The following SPRED1 variants were observed in gnomAD, a reference collection of about 807,000 sequenced individuals.
SPRED1 encodes the protein sprouty related EVH1 domain containing 1, also known as sprouty-related, EVH1 domain-containing protein 1.
SPRED1 carries 18 observed loss-of-function variants against 52.3 expected under a neutral mutation model. The observed-to-expected ratio is 0.34, with a 90% CI of 0.24 to 0.51. The LOEUF (loss-of-function observed/expected upper bound fraction) is 0.51, where lower values mean the gene tolerates loss of function less well. Among genes scored for constraint, SPRED1 ranks in the 20% least tolerant of loss-of-function variants. The pLI is 0.97. For synonymous variants in SPRED1, 155 were observed against 179.7 expected, an observed-to-expected ratio of 0.86 and a Z score of 1.10; for missense variants, 485 against 551.0, an observed-to-expected ratio of 0.88 and a Z score of 1.20.
intron 1 of SPRED1, among the ~76,000 whole-genome samples, chr15:38,283,916 A>G (rs1894748866): frequency 6.6e-6 from 1 of 152,166 alleles, no homozygotes; most frequent in South Asian, 2.1e-4. Context: ...TAATGGTAAA[A>G]ATTAGGTATT....
intron 1 of SPRED1, among the ~76,000 whole-genome samples, chr15:38,278,635 A>G (rs117152543): frequency 1.3e-3 from 198 of 152,298 alleles, no homozygotes; most frequent in Middle Eastern, 3.4e-3. Flanking sequence ...ATTATATAAA[A>G]TGATATAGTA....
rs577433030 is a variant in SPRED1, at chr15:38,325,584, C to T, written c.423+775C>T. Among the ~76,000 whole-genome samples, 4 of 152,082 alleles carry T rather than the reference C, an allele frequency of 2.6e-5. No individual in the cohort carries two copies. In the South Asian group the frequency reaches 8.3e-4, roughly 32 times the overall value. On this transcript the variant is annotated intron_variant, in intron 4 of 6. Transcript: ENST00000299084. Reference sequence around the variant, plus strand: ...GCCGAATTCTATTTTCTTCAGAGGACCTCAATCTTTTTTCTTATGCCTTTC... The same window carrying T: ...GCCGAATTCTATTTTCTTCAGAGGATCTCAATCTTTTTTCTTATGCCTTTC...
At chr15:38,281,259 G>A (rs538099603) in intron 1 of SPRED1, among the ~76,000 whole-genome samples, 1 of 152,128 alleles carries the variant, frequency 6.6e-6, no homozygotes, top group South Asian at 2.1e-4. Context: ...TGTGAAATTG[G>A]GAGCTTCCTA....
In SPRED1 at chr15:38,353,429, AAAG is replaced by A. The variant is rs546611820; in HGVS notation, c.*1771_*1773del. 60 of 152,676 alleles carry A rather than the reference AAAG, an allele frequency of 3.9e-4. No homozygotes were observed. The highest frequency in any genetic ancestry group is 1.4e-3 in the African/African-American group (57 of 41,578). 9.5% of individuals were successfully genotyped at this position (152,676 alleles called of 1,614,324 possible). A position where few individuals can be genotyped will look rare whatever the true frequency, so the allele number is the denominator to read the frequency against. On this transcript the variant is annotated 3_prime_UTR_variant, in exon 7 of 7. Transcript: ENST00000299084. ...ATCTTGAAGTATTATTTCACATTGA[AAAG>A]AAGAAAATATATTGATAACTATAGA...
At chr15:38,262,613 G>A (rs1033814598) in intron 1 of SPRED1, among the ~76,000 whole-genome samples, 1 of 152,198 alleles carries the variant, frequency 6.6e-6, no homozygotes, top group Non-Finnish European at 1.5e-5. Context: ...ACCAGATTGT[G>A]AGTAGTGTAG....
rs574366553 is a variant in SPRED1, at chr15:38,287,203, G to A, written c.33-12170G>A. ...GAGGTCAGAGTTTTAGAAGCACATT[G>A]GCTAGCACAGTTTTACCTCCAGAAG... is the stretch of plus-strand genomic sequence containing the variant. On this transcript the variant is annotated intron_variant, in intron 1 of 6. Transcript: ENST00000299084. 7.9e-5 allele frequency among the ~76,000 whole-genome samples: 12 copies of A among 152,134 alleles called. No homozygotes were observed. In the South Asian group the frequency reaches 2.5e-3, roughly 32 times the overall value.
Position 38,356,381 on chromosome 15 carries a change from T to C in SPRED1, c.*4717T>C, listed in dbSNP as rs562870172. The C allele has an allele frequency of 3.9e-5, 6 of 152,240 alleles. No homozygotes were observed. In the East Asian group the frequency reaches 1.2e-3, roughly 29 times the overall value. 9.4% of individuals were successfully genotyped at this position (152,240 alleles called of 1,614,324 possible). On this transcript the variant is annotated 3_prime_UTR_variant, in exon 7 of 7. Coordinates refer to ENST00000299084, the MANE Select transcript of SPRED1 (RefSeq NM_152594.3). ...TACCCGTGTAATTGGACATAGCAGA[T>C]GATTATCATAAGAATTTGTTTTAAT...
Position 38,341,823 on chromosome 15 carries a change from T to A in SPRED1, c.582+1928T>A, listed in dbSNP as rs1439556619. Among the ~76,000 whole-genome samples the A allele has an allele frequency of 2.6e-5, 4 of 152,106 alleles. No homozygotes were observed. In the East Asian group the frequency reaches 7.7e-4, roughly 29 times the overall value. ...AGAATGCACATTTTTAGTAGTTGGG[T>A]ATAGCAGCCTTTTTTGTTGAACTGA... On this transcript the variant is annotated intron_variant, in intron 5 of 6. Transcript: ENST00000299084.
chr15:38,288,423 T>C (rs1315450875), intron 1 of SPRED1, among the ~76,000 whole-genome samples: 1 of 152,082 alleles, frequency 6.6e-6, no homozygotes, highest in Non-Finnish European at 1.5e-5. Context: ...AGACAATAAA[T>C]AAATAAATAA....
rs970314232 is a variant in SPRED1 at position 38,350,908 on chromosome 15, T to C, written c.685-106T>C. The C allele has an allele frequency of 3.5e-6, 4 of 1,156,830 alleles. No individual in the cohort carries two copies. In the African/African-American group the frequency reaches 4.6e-5, roughly 13 times the overall value. 71.7% of individuals were successfully genotyped at this position (1,156,830 alleles called of 1,614,324 possible). ...ATCCCAAAAACATATCATAGAAATGTCCAGAATAATATTTCAACAAATATC... is the reference window on the plus strand; with the variant it reads ...ATCCCAAAAACATATCATAGAAATGCCCAGAATAATATTTCAACAAATATC... On this transcript the variant is annotated intron_variant, in intron 6 of 6. Coordinates refer to ENST00000299084, the MANE Select transcript of SPRED1 (RefSeq NM_152594.3).
chr15:38,275,027 C>A (rs1297982225), intron 1 of SPRED1, among the ~76,000 whole-genome samples: 3 of 152,154 alleles, frequency 2.0e-5, no homozygotes, highest in African/African-American at 7.2e-5. Context: ...TAATAAATAT[C>A]CTATTTTCTG....
intron 2 of SPRED1, among the ~76,000 whole-genome samples, 160 bp downstream of exon 2, chr15:38,299,707 T>TC (rs1355859803): frequency 6.6e-6 from 1 of 152,166 alleles, no homozygotes; most frequent in Non-Finnish European, 1.5e-5. Context: ...CATTTTTTTT[T>TC]CAAACTGAGA....
intron 4 of SPRED1, among the ~76,000 whole-genome samples, chr15:38,328,250 G>A (rs1463095293): frequency 6.6e-6 from 1 of 152,172 alleles, no homozygotes; most frequent in South Asian, 2.1e-4. Flanking sequence ...TAAAAGTAAT[G>A]ATAATGTTAT....
At position 38,339,872 on chromosome 15, in the gene SPRED1, T is replaced by C. The variant is rs1225030613; in HGVS notation, c.559T>C (p.Tyr187His). 1.9e-6 allele frequency: 3 copies of C among 1,613,932 alleles called. No individual in the cohort carries two copies. Among genetic ancestry groups the C allele is most frequent in the Non-Finnish European group, 8.5e-7 (1 of 1,179,914 alleles). ...TGAAGATCTGAATGCCAGAAGAGTCTACATGCAAAGCCAAGCCAATCAGGT... is the reference window on the plus strand; with the variant it reads ...TGAAGATCTGAATGCCAGAAGAGTCCACATGCAAAGCCAAGCCAATCAGGT... ...PFEDLNARRVYMQSQANQITF... is the reference protein window; with the variant it reads ...PFEDLNARRVHMQSQANQITF... Residue 187 changes from tyrosine to histidine, a missense_variant, in exon 5 of 7, where the codon TAC becomes CAC. By Grantham distance (83) the Tyr-to-His change is moderately conservative. Transcript: ENST00000299084.
chr15:38,324,458 G>A (rs565135628), intron 3 of SPRED1, among the ~76,000 whole-genome samples: 2 of 152,274 alleles, frequency 1.3e-5, no homozygotes, highest in South Asian at 4.1e-4. Context: ...ATTATAATCT[G>A]CCTAGTAATT....
At chr15:38,319,156 C>A (rs2140992500) in intron 2 of SPRED1, among the ~76,000 whole-genome samples, 1 of 152,170 alleles carries the variant, frequency 6.6e-6, no homozygotes, top group East Asian at 1.9e-4. Context: ...TTTAACAATT[C>A]CAATTTAGCA....
chr15:38,356,569 A>C lies in SPRED1; in HGVS notation c.*4905A>C, dbSNP rs1200540484. On this transcript the variant is annotated 3_prime_UTR_variant, in exon 7 of 7. Transcript: ENST00000299084. ...ATAATTAGCTCTGTTCTTTAAAAGTATACTTTTAAACTGAAAGTTCACATA... is the reference window on the plus strand; with the variant it reads ...ATAATTAGCTCTGTTCTTTAAAAGTCTACTTTTAAACTGAAAGTTCACATA... The C allele has an allele frequency of 6.6e-6, 1 of 152,132 alleles. No homozygotes were observed. The highest frequency in any genetic ancestry group is 2.4e-5 in the African/African-American group (1 of 41,456). The allele number at this position is 152,132 out of a possible 1,614,324, so 9.4% of individuals were successfully genotyped here.
intron 3 of SPRED1, 48 bp downstream of exon 3, chr15:38,322,457 G>A (rs1895624416): frequency 3.1e-6 from 5 of 1,588,984 alleles, no homozygotes; most frequent in African/African-American, 1.3e-5. Context: ...GTTATATATA[G>A]TAGAGGTTAT....
chr15:38,329,419 A>G (rs1895768197), intron 4 of SPRED1, among the ~76,000 whole-genome samples: 1 of 152,178 alleles, frequency 6.6e-6, no homozygotes, highest in Non-Finnish European at 1.5e-5. Flanking sequence ...ATGATTTTCA[A>G]AGGTGGTAAT....
Sources: allele counts gnomAD v4.1 joint callset (sites outside exome capture counted in the v4.1 genomes callset), GRCh38; gene constraint gnomAD v4.1.1; transcripts MANE v1.5; gene names NCBI Gene and HGNC (gene_info 2026-07-23, HGNC 2026-07-21).